The following DLGAP2 variants were observed in gnomAD, a reference collection of about 807,000 sequenced individuals.
The protein encoded by DLGAP2 is disks large-associated protein 2.
A neutral mutation model predicts 100.3 loss-of-function variants in DLGAP2; 26 were observed. The ratio of observed to expected loss-of-function variants is 0.26; its 90% CI spans 0.19 to 0.36. The LOEUF (loss-of-function observed/expected upper bound fraction) is 0.36. DLGAP2 is among the 10% of genes least tolerant of loss of function. The probability of loss-of-function intolerance (pLI) is 1.00; values close to 1 mark genes in which losing one functional copy is unlikely to be tolerated. For missense variants in DLGAP2, 1,858 were observed against 1,453.2 expected (o/e 1.28, Z -4.53); for synonymous variants, 886 against 630.1 (o/e 1.41, Z -6.08).
chr8:810,536 A>G (rs1166021469), intron 1 of DLGAP2, among the ~76,000 whole-genome samples: 2 of 152,266 alleles, frequency 1.3e-5, no homozygotes, highest in Admixed American at 6.5e-5. Context: ...TTCATTACAC[A>G]GTAAATTATT....
chr8:1,333,514 ACC>A (rs202214866), intron 3 of DLGAP2, among the ~76,000 whole-genome samples: 2,787 of 152,046 alleles, frequency 0.018, 41 homozygotes, highest in Non-Finnish European at 0.029. Flanking sequence ...AGGGGTTCAC[ACC>A]CCGTTTCTCC....
At chr8:1,343,509 C>G (rs1176885480) in intron 3 of DLGAP2, among the ~76,000 whole-genome samples, 1 of 152,132 alleles carries the variant, frequency 6.6e-6, no homozygotes, top group Non-Finnish European at 1.5e-5. Context: ...GGCCCAGGGC[C>G]CAGGTAAGCA....
chr8:1,219,606 G>A (rs529976369), intron 2 of DLGAP2, among the ~76,000 whole-genome samples: 18 of 152,228 alleles, frequency 1.2e-4, no homozygotes, highest in African/African-American at 3.6e-4. Context: ...CCAGGTTTTG[G>A]TATCAGAATG....
At chr8:760,756 G>T (rs1821059416) in intron 1 of DLGAP2, among the ~76,000 whole-genome samples, 1 of 152,154 alleles carries the variant, frequency 6.6e-6, no homozygotes, top group African/African-American at 2.4e-5. Flanking sequence ...GAGCGCCTCC[G>T]ATTGGGAGTT....
intron 2 of DLGAP2, among the ~76,000 whole-genome samples, chr8:1,199,043 T>G (rs1797813531): frequency 1.3e-5 from 2 of 152,336 alleles, no homozygotes; most frequent in Middle Eastern, 3.4e-3. Flanking sequence ...TGAATAAAGG[T>G]GAAGTTCCAG....
rs981371621 is a variant in DLGAP2 at position 1,475,564 on chromosome 8, G to A, written c.107-25802G>A. ...GATCAATGAGCGGCTGGGAGTAAAC[G>A]TCTTCCATACTGGGTCAGGTCACCA... is the stretch of plus-strand genomic sequence containing the variant. On this transcript the variant is annotated intron_variant, in intron 3 of 14. Coordinates refer to ENST00000637795, the MANE Select transcript of DLGAP2 (RefSeq NM_001346810.2). Among the ~76,000 whole-genome samples, 4 of 152,248 alleles carry A rather than the reference G, an allele frequency of 2.6e-5. No individual in the cohort carries two copies. The South Asian group carries it at 6.2e-4, about 24-fold the overall frequency.
chr8:769,425 A>G (rs1363972875), intron 1 of DLGAP2, among the ~76,000 whole-genome samples: 1 of 152,076 alleles, frequency 6.6e-6, no homozygotes, highest in Non-Finnish European at 1.5e-5. Context: ...AAGCATAGCC[A>G]TTAACCCCGA....
intron 8 of DLGAP2, among the ~76,000 whole-genome samples, chr8:1,664,481 A>G (rs1050766120): frequency 6.6e-6 from 1 of 152,136 alleles, no homozygotes; most frequent in Admixed American, 6.5e-5. Context: ...TATGGAGCAC[A>G]CTGGGGCCAG....
At chr8:1,627,811 T>G (rs1797544108) in intron 7 of DLGAP2, among the ~76,000 whole-genome samples, 1 of 151,702 alleles carries the variant, frequency 6.6e-6, no homozygotes, top group Non-Finnish European at 1.5e-5. Flanking sequence ...CCTCACATTC[T>G]CTCTGACTTA....
At chr8:1,185,288 G>T (rs1286235258) in intron 2 of DLGAP2, among the ~76,000 whole-genome samples, 1 of 152,124 alleles carries the variant, frequency 6.6e-6, no homozygotes, top group African/African-American at 2.4e-5. Flanking sequence ...CTTCAGGGCT[G>T]TGGTGCAATG....
chr8:1,099,934 G>A (rs997223429), intron 2 of DLGAP2, among the ~76,000 whole-genome samples: 19 of 152,136 alleles, frequency 1.2e-4, no homozygotes, highest in African/African-American at 4.3e-4. Context: ...CCTTCTCCAG[G>A]GTTTTGCTTC....
chr8:1,546,983 T>C (rs1801562256), intron 4 of DLGAP2, among the ~76,000 whole-genome samples: 1 of 152,106 alleles, frequency 6.6e-6, no homozygotes, highest in Non-Finnish European at 1.5e-5. Context: ...TGCTCCTGTC[T>C]GGGTCTTTGG....
intron 3 of DLGAP2, among the ~76,000 whole-genome samples, chr8:1,286,745 A>C (rs1469356920): frequency 6.6e-6 from 1 of 152,208 alleles, no homozygotes; most frequent in Non-Finnish European, 1.5e-5. Flanking sequence ...ACTTATCTTC[A>C]AAGTGCACCC....
chr8:1,165,245 G>C (rs1460184484), intron 2 of DLGAP2, among the ~76,000 whole-genome samples: 2 of 151,738 alleles, frequency 1.3e-5, no homozygotes, highest in Non-Finnish European at 2.9e-5. Context: ...GGCAGAGGGA[G>C]AGGAAGACAG....
intron 2 of DLGAP2, among the ~76,000 whole-genome samples, chr8:973,911 C>T (rs933045406): frequency 2.0e-5 from 3 of 149,526 alleles, no homozygotes; most frequent in African/African-American, 2.5e-5. Flanking sequence ...CCACCGCCAC[C>T]GCCGCCACCC....
rs1197863946 is a variant in DLGAP2, at chr8:770,176, AGT to A, written c.18+32354_18+32355del. ...TTATTCAGATTCATTTGCACAGCAC[AGT>A]GTTGCTACAATTTGCCTGGAGTTGT... On this transcript the variant is annotated intron_variant, in intron 1 of 14. Coordinates refer to ENST00000637795, the MANE Select transcript of DLGAP2 (RefSeq NM_001346810.2). 3.9e-5 allele frequency among the ~76,000 whole-genome samples: 6 copies of A among 152,292 alleles called. No homozygotes were observed. The East Asian group carries it at 7.7e-4, about 20-fold the overall frequency.
chr8:924,402 G>A (rs1310965213), intron 2 of DLGAP2, among the ~76,000 whole-genome samples: 1 of 152,108 alleles, frequency 6.6e-6, no homozygotes, highest in Non-Finnish European at 1.5e-5. Context: ...ACGTTGGGTG[G>A]GGTGGATGGG....
chr8:1,044,860 C>T (rs1172230192), intron 2 of DLGAP2, among the ~76,000 whole-genome samples: 1 of 152,206 alleles, frequency 6.6e-6, no homozygotes, highest in Non-Finnish European at 1.5e-5. Flanking sequence ...AGGGTCAAAA[C>T]CCCAATAATT....
chr8:1,690,074 G>C (rs1410888670), intron 12 of DLGAP2, among the ~76,000 whole-genome samples: 2 of 152,180 alleles, frequency 1.3e-5, no homozygotes, highest in Non-Finnish European at 2.9e-5. Flanking sequence ...AGAGGGTGTG[G>C]GGCCGGGTGC....
Sources: allele counts gnomAD v4.1 joint callset (sites outside exome capture counted in the v4.1 genomes callset), GRCh38; gene constraint gnomAD v4.1.1; transcripts MANE v1.5; gene names NCBI Gene and HGNC (gene_info 2026-07-23, HGNC 2026-07-21).